TENM3: variants seen among roughly 807,000 people sequenced by gnomAD.
The protein encoded by TENM3 is teneurin-3.
Under a neutral mutation model 255.1 loss-of-function variants are expected in TENM3, and 63 were observed. The ratio of observed to expected loss-of-function variants is 0.25; its 90% CI spans 0.20 to 0.30. The LOEUF (loss-of-function observed/expected upper bound fraction) is 0.30. Ranked by LOEUF, TENM3 falls within the 10% of genes least tolerant of loss-of-function variation. The pLI is 1.00. For synonymous variants in TENM3, 1,306 were observed against 1,322.3 expected, an observed-to-expected ratio of 0.99 and a Z score of 0.27; for missense variants, 2,929 against 3,461.1, an observed-to-expected ratio of 0.85 and a Z score of 3.86.
intron 24 of TENM3, among the ~76,000 whole-genome samples, chr4:182,777,395 G>A (rs1764756768): frequency 6.6e-6 from 1 of 151,792 alleles, no homozygotes; most frequent in African/African-American, 2.4e-5. Flanking sequence ...CCCAAGAGAG[G>A]GGCTATGTGA....
At chr4:181,978,099 T>C in the TENM3 span, among the ~76,000 whole-genome samples, 2 of 152,072 alleles carry the variant, frequency 1.3e-5, no homozygotes, top group Non-Finnish European at 2.9e-5. Context: ...AGAATAATCA[T>C]GGAAAGTGGA....
intron 3 of TENM3, among the ~76,000 whole-genome samples, chr4:182,444,742 G>C (rs948361510): frequency 6.6e-6 from 1 of 152,048 alleles, no homozygotes; most frequent in Admixed American, 6.6e-5. Flanking sequence ...ATCTTTGGTG[G>C]GGCTTATCCT....
chr4:181,797,921 AT>A, the TENM3 span, among the ~76,000 whole-genome samples: 1 of 151,958 alleles, frequency 6.6e-6, no homozygotes, highest in Non-Finnish European at 1.5e-5. Context: ...AGCTGTCTCT[AT>A]TTTCTCTGGT....
intron 3 of TENM3, among the ~76,000 whole-genome samples, chr4:182,570,747 G>A (rs189501453): frequency 3.6e-4 from 54 of 151,962 alleles, no homozygotes; most frequent in Non-Finnish European, 5.2e-4. Flanking sequence ...GCAGGAGAAC[G>A]TTAACCTGGG....
chr4:182,243,935 A>G (rs1471085758), intron 1 of TENM3, among the ~76,000 whole-genome samples: 1 of 133,398 alleles, frequency 7.5e-6, no homozygotes, highest in African/African-American at 2.9e-5. Flanking sequence ...GAATGGAATC[A>G]TTTGTGTTTT....
At chr4:182,116,730 C>T in the TENM3 span, among the ~76,000 whole-genome samples, 1 of 152,146 alleles carries the variant, frequency 6.6e-6, no homozygotes, top group African/African-American at 2.4e-5. Context: ...CTTTTCTTGG[C>T]CAGATAGGTC....
At chr4:182,287,465 G>A (rs377748425) in intron 1 of TENM3, among the ~76,000 whole-genome samples, 1 of 152,034 alleles carries the variant, frequency 6.6e-6, no homozygotes, top group African/African-American at 2.4e-5. Context: ...CTTCGTTTCC[G>A]TTCCTAAGGA....
intron 3 of TENM3, among the ~76,000 whole-genome samples, chr4:182,387,435 A>G (rs1244744742): frequency 6.6e-6 from 1 of 152,184 alleles, no homozygotes; most frequent in African/African-American, 2.4e-5. Context: ...GCGCCCTGAC[A>G]AAATAGGCCA....
At chr4:181,674,123 G>C in the TENM3 span, among the ~76,000 whole-genome samples, 29 of 152,084 alleles carry the variant, frequency 1.9e-4, no homozygotes, top group African/African-American at 6.0e-4. Flanking sequence ...AGCCTCCCAA[G>C]TAGCTGGGAC....
the TENM3 span, among the ~76,000 whole-genome samples, chr4:181,708,877 T>C: frequency 1.3e-5 from 2 of 152,174 alleles, no homozygotes; most frequent in African/African-American, 4.8e-5. Context: ...AGGCCTAGAA[T>C]GTTCTGGGTT....
intron 27 of TENM3, among the ~76,000 whole-genome samples, chr4:182,798,844 C>T (rs376823039): frequency 2.6e-5 from 4 of 152,102 alleles, no homozygotes; most frequent in South Asian, 2.1e-4. Context: ...CTTTCATTGC[C>T]GCAAATGAAA....
the TENM3 span, among the ~76,000 whole-genome samples, chr4:181,506,108 G>A: frequency 2.6e-5 from 4 of 152,102 alleles, no homozygotes; most frequent in African/African-American, 4.8e-5. Context: ...GGATCTTAAA[G>A]TACAGGATAT....
chr4:182,108,340 G>C, the TENM3 span, among the ~76,000 whole-genome samples: 16 of 152,288 alleles, frequency 1.1e-4, no homozygotes, highest in East Asian at 2.9e-3. Context: ...TGACAGGAAG[G>C]CTCCAATAAA....
the TENM3 span, among the ~76,000 whole-genome samples, chr4:181,580,146 T>C: frequency 6.6e-6 from 1 of 151,972 alleles, no homozygotes; most frequent in Non-Finnish European, 1.5e-5. Flanking sequence ...TACAGGCATG[T>C]GCCACCATGC....
the TENM3 span, among the ~76,000 whole-genome samples, chr4:181,770,035 C>T: frequency 0.27 from 41,334 of 151,780 alleles, 6,087 homozygotes; most frequent in East Asian, 0.45. Context: ...TTTGTGGCTG[C>T]GCCCAGTTAC....
At chr4:181,660,111 A>G in the TENM3 span, among the ~76,000 whole-genome samples, 3 of 152,092 alleles carry the variant, frequency 2.0e-5, no homozygotes, top group Non-Finnish European at 4.4e-5. Flanking sequence ...CTGTATAAAC[A>G]TTTGTTTTCT....
the TENM3 span, among the ~76,000 whole-genome samples, chr4:181,973,348 A>G: frequency 6.6e-6 from 1 of 152,188 alleles, no homozygotes; most frequent in Non-Finnish European, 1.5e-5. Context: ...AAGCATGACA[A>G]CTAAGTAAAT....
At chr4:181,572,665 C>T in the TENM3 span, among the ~76,000 whole-genome samples, 15 of 152,130 alleles carry the variant, frequency 9.9e-5, no homozygotes, top group Non-Finnish European at 2.1e-4. Flanking sequence ...TACAGGCATA[C>T]AATGCATAAT....
At chr4:182,508,979 ATTAT>A (rs566631165) in intron 3 of TENM3, among the ~76,000 whole-genome samples, 1 of 152,228 alleles carries the variant, frequency 6.6e-6, no homozygotes, top group Middle Eastern at 3.2e-3. Context: ...AGAGTCAATA[ATTAT>A]TTATTGTTAA....
Sources: gnomAD v4.1 joint callset for allele counts (sites outside exome capture counted in the v4.1 genomes callset) on GRCh38, gnomAD v4.1.1 for gene constraint, MANE v1.5 for transcripts, NCBI Gene and HGNC (gene_info 2026-07-23, HGNC 2026-07-21) for gene names.